The following KCNIP1 variants were observed in gnomAD, a reference collection of about 807,000 sequenced individuals.
The protein encoded by KCNIP1 is A-type potassium channel modulatory protein KCNIP1.
Under a neutral mutation model 33.0 loss-of-function variants are expected in KCNIP1, and 18 were observed. That is an observed-to-expected ratio of 0.55 (90% CI 0.38 to 0.81). KCNIP1 has a LOEUF of 0.81. KCNIP1 is among the 30% of genes least tolerant of loss of function. The pLI is 0.00. For synonymous variants in KCNIP1, 93 were observed against 98.3 expected (o/e 0.95, Z 0.32); for missense variants, 238 against 271.6 (o/e 0.88, Z 0.87).
intron 1 of KCNIP1, among the ~76,000 whole-genome samples, chr5:170,595,067 G>A (rs114549408): frequency 0.011 from 1,630 of 152,268 alleles, 26 homozygotes; most frequent in African/African-American, 0.037. Context: ...AGGTATAAGA[G>A]TCAAGGCCCA....
chr5:170,679,185 G>A (rs1264781488), intron 1 of KCNIP1: 1 of 152,202 alleles, frequency 6.6e-6, no homozygotes, highest in Non-Finnish European at 1.5e-5. Flanking sequence ...CTGATGTGTA[G>A]CATTTCTGTG....
At chr5:170,392,678 C>T (rs1240789245) in intron 1 of KCNIP1, among the ~76,000 whole-genome samples, 1 of 152,160 alleles carries the variant, frequency 6.6e-6, no homozygotes, top group East Asian at 1.9e-4. Flanking sequence ...CAAAAATTAG[C>T]TGGGCACGAT....
intron 1 of KCNIP1, among the ~76,000 whole-genome samples, chr5:170,367,381 GA>G (rs1763701737): frequency 8.9e-6 from 1 of 112,202 alleles, no homozygotes; most frequent in African/African-American, 3.7e-5. Flanking sequence ...AAGAAAGAAA[GA>G]AAGAAAGAAA....
At chr5:170,457,523 G>A (rs187361932) in intron 1 of KCNIP1, among the ~76,000 whole-genome samples, 3 of 152,334 alleles carry the variant, frequency 2.0e-5, no homozygotes, top group Admixed American at 2.0e-4. Context: ...ACAGGACTCT[G>A]TACAGACAAC....
intron 1 of KCNIP1, among the ~76,000 whole-genome samples, chr5:170,409,760 GTGC>G (rs1223810617): frequency 6.6e-6 from 1 of 152,156 alleles, no homozygotes; most frequent in Non-Finnish European, 1.5e-5. Context: ...CTGGCCCTGT[GTGC>G]TGCTAAGAGC....
chr5:170,360,238 T>G (rs1763468915), intron 1 of KCNIP1, among the ~76,000 whole-genome samples: 1 of 152,198 alleles, frequency 6.6e-6, no homozygotes, highest in South Asian at 2.1e-4. Context: ...TGAAAGCCTT[T>G]GCTTCCCAAG....
chr5:170,476,065 G>T (rs1220332389), intron 1 of KCNIP1, among the ~76,000 whole-genome samples: 1 of 151,898 alleles, frequency 6.6e-6, no homozygotes, highest in South Asian at 2.1e-4. Flanking sequence ...AACCTCTGCA[G>T]CCTCAAGTGA....
intron 1 of KCNIP1, among the ~76,000 whole-genome samples, chr5:170,529,766 T>C (rs925378994): frequency 1.3e-5 from 2 of 152,200 alleles, no homozygotes; most frequent in Admixed American, 1.3e-4. Context: ...AGTAACAGTG[T>C]TGCCCAGAGT....
chr5:170,602,378 T>G (rs1758729331), intron 1 of KCNIP1, among the ~76,000 whole-genome samples: 1 of 152,228 alleles, frequency 6.6e-6, no homozygotes, highest in African/African-American at 2.4e-5. Context: ...CAGGAACAGC[T>G]GATCCCTGGA....
At chr5:170,484,465 G>C (rs974876007) in intron 1 of KCNIP1, among the ~76,000 whole-genome samples, 7 of 152,168 alleles carry the variant, frequency 4.6e-5, no homozygotes, top group Non-Finnish European at 1.0e-4. Context: ...CGTTGGGGAA[G>C]CTGGAAAGAG....
intron 1 of KCNIP1, among the ~76,000 whole-genome samples, chr5:170,392,763 G>C (rs893088351): frequency 1.3e-5 from 2 of 152,148 alleles, no homozygotes; most frequent in Non-Finnish European, 2.9e-5. Context: ...GGCGGAGGTC[G>C]CAGTGAGCTG....
At chr5:170,709,808 T>C (rs1255936071) in intron 1 of KCNIP1, among the ~76,000 whole-genome samples, 3 of 152,220 alleles carry the variant, frequency 2.0e-5, no homozygotes, top group Non-Finnish European at 4.4e-5. Flanking sequence ...ATTATACATA[T>C]GTTCAAACTT....
chr5:170,637,621 G>C (rs1216971035), intron 1 of KCNIP1, among the ~76,000 whole-genome samples: 3 of 152,142 alleles, frequency 2.0e-5, no homozygotes, highest in African/African-American at 7.2e-5. Context: ...TGTTCCCACT[G>C]CCTGGAGCAC....
intron 1 of KCNIP1, among the ~76,000 whole-genome samples, chr5:170,536,473 C>G (rs1369891749): frequency 1.3e-5 from 2 of 152,194 alleles, no homozygotes; most frequent in Non-Finnish European, 2.9e-5. Context: ...GTGGCCAGAA[C>G]CTGTTCTCTC....
chr5:170,390,317 G>C (rs909418028), intron 1 of KCNIP1, among the ~76,000 whole-genome samples: 20 of 151,544 alleles, frequency 1.3e-4, no homozygotes, highest in African/African-American at 4.9e-4. Context: ...ACCATCCTGG[G>C]CAACATGGCG....
chr5:170,723,812 G>A (rs573156634), intron 5 of KCNIP1, among the ~76,000 whole-genome samples: 13 of 152,202 alleles, frequency 8.5e-5, no homozygotes, highest in South Asian at 6.2e-4. Flanking sequence ...AGGAGGTGTC[G>A]TCATACTGGA....
intron 1 of KCNIP1, among the ~76,000 whole-genome samples, chr5:170,372,354 C>A (rs148224866): frequency 6.6e-6 from 1 of 152,154 alleles, no homozygotes; most frequent in South Asian, 2.1e-4. Context: ...AACCCAGAAG[C>A]CCCCCAAACC....
chr5:170,647,626 T>C (rs1760836859), intron 1 of KCNIP1, among the ~76,000 whole-genome samples: 1 of 145,834 alleles, frequency 6.9e-6, no homozygotes, highest in Admixed American at 6.8e-5. Flanking sequence ...AATAATTAAC[T>C]AAAAATGGGT....
chr5:170,372,729 G>A (rs1357553679), intron 1 of KCNIP1, among the ~76,000 whole-genome samples: 3 of 152,218 alleles, frequency 2.0e-5, no homozygotes, highest in Non-Finnish European at 4.4e-5. Flanking sequence ...GAGAACAAGT[G>A]TTTGTATTTG....
Sources: gnomAD v4.1 joint callset for allele counts (sites outside exome capture counted in the v4.1 genomes callset) on GRCh38, gnomAD v4.1.1 for gene constraint, MANE v1.5 for transcripts, NCBI Gene and HGNC (gene_info 2026-07-23, HGNC 2026-07-21) for gene names.